The following XKR5 variants were observed in gnomAD, a reference collection of about 807,000 sequenced individuals.
XKR5 encodes the protein XK-related protein 5.
XKR5 carries 46 observed loss-of-function variants against 40.8 expected under a neutral mutation model. That is an observed-to-expected ratio of 1.13 (90% CI 0.89 to 1.44). XKR5 has a LOEUF of 1.44. XKR5 is among the 40% of genes most tolerant of loss of function. The probability of loss-of-function intolerance (pLI) is 0.00; values close to 1 mark genes in which losing one functional copy is unlikely to be tolerated. For missense variants in XKR5, 1,169 were observed against 844.7 expected (o/e 1.38, Z -4.76); for synonymous variants, 466 against 356.1 (o/e 1.31, Z -3.48).
At position 6,815,833 on chromosome 8, in the gene XKR5, G is replaced by A; in HGVS notation, c.893C>T (p.Ala298Val). The A allele has an allele frequency of 6.2e-7, 1 of 1,604,644 alleles. No homozygotes were observed. Among genetic ancestry groups the A allele is most frequent in the Non-Finnish European group, 8.5e-7 (1 of 1,175,548 alleles). The change falls in exon 6 of 7, where the codon GCT becomes GTT. Residue 298 changes from alanine (A) to valine (V), a missense_variant. Physicochemically the swap from Ala to Val is moderately conservative, Grantham distance 64. Coordinates refer to ENST00000618742, the MANE Select transcript of XKR5 (RefSeq NM_207411.5). Reference sequence around the variant, plus strand: ...AATCAGAAATCCAGACAGGACCCCAGCTATGGTCTGCAGGCTGGTCCACGA... The same window carrying A: ...AATCAGAAATCCAGACAGGACCCCAACTATGGTCTGCAGGCTGGTCCACGA... The part of the protein sequence containing the change: ...GASWTSLQTI[A>V]GVLSGFLIGS...
chr8:6,811,183 C>A lies in XKR5; in HGVS notation c.*15G>T. The A allele has an allele frequency of 2.6e-6, 4 of 1,521,500 alleles. No individual in the cohort carries two copies. The highest frequency in any genetic ancestry group is 3.5e-6 in the Non-Finnish European group (4 of 1,136,768). The allele number at this position is 1,521,500 out of a possible 1,614,324, so 94.2% of individuals were successfully genotyped here. ...TGGTTTGTCAGCCTGTTGTCTTATC[C>A]CACCATGACTGTGGTCAGATGAAAA... On this transcript the variant is annotated 3_prime_UTR_variant, in exon 7 of 7. Transcript: ENST00000618742.
At chr8:6,827,359 G>A (rs1804542510) in intron 2 of XKR5, among the ~76,000 whole-genome samples, 1 of 152,180 alleles carries the variant, frequency 6.6e-6, no homozygotes, top group African/African-American at 2.4e-5. Context: ...GCATCTCGAA[G>A]GTCACCTGCA....
intron 2 of XKR5, among the ~76,000 whole-genome samples, chr8:6,831,192 T>G (rs971147927): frequency 1.3e-5 from 2 of 152,098 alleles, no homozygotes; most frequent in Non-Finnish European, 2.9e-5. Context: ...GCTGGGCCGA[T>G]CAGGGAAGGA....
intron 5 of XKR5, among the ~76,000 whole-genome samples, chr8:6,818,375 G>T (rs1037730846): frequency 2.0e-5 from 3 of 152,120 alleles, no homozygotes; most frequent in African/African-American, 7.2e-5. Flanking sequence ...TTTTGATAGC[G>T]TCACTTCTCT....
At chr8:6,823,393 A>T in intron 4 of XKR5, 128 bp downstream of exon 4, 1 of 974,596 alleles carries the variant, frequency 1.0e-6, no homozygotes, top group Non-Finnish European at 1.6e-6. Context: ...AGCAAGATCC[A>T]TTCAGCAGAG....
In XKR5 at chr8:6,811,774, C is replaced by G; in HGVS notation, c.1485G>C (p.Gln495His). ...CTGGGTTCTGGGTAGGTGCTTCATC[C>G]TGCTGATCGCTGGCAAAAGATACGT... Reference protein sequence around the residue: ...SSYVSFASDQQDEAPTQNPAA... With the variant: ...SSYVSFASDQHDEAPTQNPAA... The change falls in exon 7 of 7, where the codon CAG becomes CAC. Residue 495 changes from glutamine to histidine, a missense_variant. Transcript: ENST00000618742. The G allele has an allele frequency of 6.5e-7, 1 of 1,537,642 alleles. No homozygotes were observed. Among genetic ancestry groups the G allele is most frequent in the South Asian group, 1.2e-5 (1 of 84,064 alleles).
chr8:6,833,618 A>T (rs1258219703), intron 1 of XKR5, among the ~76,000 whole-genome samples: 1 of 152,224 alleles, frequency 6.6e-6, no homozygotes, highest in Non-Finnish European at 1.5e-5. Flanking sequence ...GGGATGGATG[A>T]GGCACCAGAA....
intron 2 of XKR5, among the ~76,000 whole-genome samples, chr8:6,828,109 T>C (rs1804601169): frequency 6.6e-6 from 1 of 152,088 alleles, no homozygotes; most frequent in Admixed American, 6.6e-5. Context: ...GAAAGATGTC[T>C]TTTAGAAACC....
chr8:6,825,956 T>G lies in XKR5; in HGVS notation c.243-607A>C, dbSNP rs142122680. 7.2e-5 allele frequency among the ~76,000 whole-genome samples: 11 copies of G among 152,172 alleles called. No homozygotes were observed. In the East Asian group the frequency reaches 2.1e-3, roughly 29 times the overall value. On this transcript the variant is annotated intron_variant, in intron 2 of 6. Transcript: ENST00000618742. ...GGAGGCTGATGTGGTCCCGGTGAAG[T>G]AGATCAGGGCCCTGAACTTCAGGCT...
chr8:6,832,940 C>G, intron 1 of XKR5, 40 bp from the exon 2 acceptor site: 1 of 1,497,274 alleles, frequency 6.7e-7, no homozygotes, highest in Non-Finnish European at 8.9e-7. Context: ...TGTTGGAAGG[C>G]TGGAGTGAGA....
intron 4 of XKR5, among the ~76,000 whole-genome samples, chr8:6,822,969 C>A (rs988296242): frequency 2.0e-5 from 3 of 152,260 alleles, no homozygotes; most frequent in Admixed American, 2.0e-4. Flanking sequence ...GGACCTTGTA[C>A]CTCCCTCCTG....
At chr8:6,832,127 C>T (rs1187462830) in intron 2 of XKR5, among the ~76,000 whole-genome samples, 2 of 151,924 alleles carry the variant, frequency 1.3e-5, no homozygotes, top group Non-Finnish European at 2.9e-5. Context: ...CTTCTCATAG[C>T]TCCTTGAATC....
intron 1 of XKR5, among the ~76,000 whole-genome samples, chr8:6,834,298 G>C (rs1375727866): frequency 1.3e-5 from 2 of 152,264 alleles, no homozygotes; most frequent in African/African-American, 4.8e-5. Flanking sequence ...ACTGCCCTGA[G>C]GTACAGCTGC....
At chr8:6,816,041 G>C (rs966755426) in intron 5 of XKR5, 123 bp from the exon 6 acceptor site, 5 of 679,554 alleles carry the variant, frequency 7.4e-6, no homozygotes, top group African/African-American at 5.4e-5. Flanking sequence ...GAGACTCCAG[G>C]CTGCTGAGGA....
chr8:6,834,271 T>C (rs950836184), intron 1 of XKR5, among the ~76,000 whole-genome samples: 20 of 152,174 alleles, frequency 1.3e-4, no homozygotes, highest in African/African-American at 4.3e-4. Context: ...GCCGCGGATT[T>C]TAGGGAAACT....
Position 6,811,549 on chromosome 8 carries a change from C to T in XKR5, c.1710G>A (p.Arg570=). ...PATLQTAHSG[R]RLGKSSPAQP... ...GGGCAGGGCTGCTCTTTCCCAGCCT[C>T]CTTCCAGAGTGGGCCGTTTGCAGAG... The change falls in exon 7 of 7, where the codon AGG becomes AGA. Residue 570 remains arginine (R), a synonymous_variant. Transcript: ENST00000618742. 6.5e-7 allele frequency: 1 copy of T among 1,535,962 alleles called. No homozygotes were observed. The highest frequency in any genetic ancestry group is 8.7e-7 in the Non-Finnish European group (1 of 1,146,082).
At position 6,819,947 on chromosome 8, in the gene XKR5, A is replaced by C. The variant is rs369914126; in HGVS notation, c.807+1922T>G. On this transcript the variant is annotated intron_variant, in intron 5 of 6. Transcript: ENST00000618742. ...CCCGATGTCTGTTTCATTTATTGTAAATTATTTATTTATCTTTCAGAGCAT... is the reference window on the plus strand; with the variant it reads ...CCCGATGTCTGTTTCATTTATTGTACATTATTTATTTATCTTTCAGAGCAT... 1.7e-4 allele frequency among the ~76,000 whole-genome samples: 26 copies of C among 148,662 alleles called. 1 individual carries two copies. Among genetic ancestry groups the C allele is most frequent in the East Asian group, 1.7e-3 (8 of 4,680 alleles).
At chr8:6,830,013 A>G (rs571675163) in intron 2 of XKR5, among the ~76,000 whole-genome samples, 1 of 150,982 alleles carries the variant, frequency 6.6e-6, no homozygotes, top group African/African-American at 2.4e-5. Context: ...AATTTTTTGT[A>G]TTTTTAGTAG....
At chr8:6,826,774 A>C (rs1446104065) in intron 2 of XKR5, among the ~76,000 whole-genome samples, 3 of 152,156 alleles carry the variant, frequency 2.0e-5, no homozygotes, top group Non-Finnish European at 4.4e-5. Context: ...GACTGTTCCC[A>C]CTAAGGGGCC....
Sources: allele counts gnomAD v4.1 joint callset (sites outside exome capture counted in the v4.1 genomes callset), GRCh38; gene constraint gnomAD v4.1.1; transcripts MANE v1.5; gene names NCBI Gene and HGNC (gene_info 2026-07-23, HGNC 2026-07-21).